The following BAALC variants were observed in gnomAD, a reference collection of about 807,000 sequenced individuals.
BAALC encodes brain and acute leukemia cytoplasmic protein.
BAALC carries 9 observed loss-of-function variants against 15.5 expected under a neutral mutation model. The observed-to-expected ratio is 0.58, with a 90% CI of 0.35 to 1.02. BAALC has a LOEUF of 1.02. BAALC is among the 50% of genes least tolerant of loss of function. The pLI is 0.02. For synonymous variants in BAALC, 80 were observed against 74.6 expected (o/e 1.07, Z -0.37); for missense variants, 201 against 192.4 (o/e 1.04, Z -0.27).
intron 1 of BAALC, among the ~76,000 whole-genome samples, chr8:103,198,627 G>A: frequency 6.6e-6 from 1 of 152,106 alleles, no homozygotes; most frequent in East Asian, 1.9e-4. Flanking sequence ...AAGCTGGCCA[G>A]GCTCCATGGC....
intron 1 of BAALC, chr8:103,208,099 G>C (rs934794183): frequency 6.6e-6 from 1 of 152,266 alleles, no homozygotes; most frequent in Non-Finnish European, 1.5e-5. Flanking sequence ...TTAGCACTTA[G>C]CTGGTTGTGT....
chr8:103,204,798 T>G (rs1046750000), intron 1 of BAALC, among the ~76,000 whole-genome samples: 1 of 152,342 alleles, frequency 6.6e-6, no homozygotes, highest in East Asian at 1.9e-4. Flanking sequence ...TATTATAGTA[T>G]TATACATAGT....
intron 1 of BAALC, among the ~76,000 whole-genome samples, chr8:103,153,777 G>A (rs1811030410): frequency 6.6e-6 from 1 of 152,196 alleles, no homozygotes; most frequent in Non-Finnish European, 1.5e-5. Context: ...AGTTGACAGT[G>A]TTTTCTGTGG....
At chr8:103,190,589 G>A (rs1230722266) in intron 1 of BAALC, among the ~76,000 whole-genome samples, 1 of 152,092 alleles carries the variant, frequency 6.6e-6, no homozygotes, top group African/African-American at 2.4e-5. Context: ...GACTTTCTTT[G>A]CTTTTCTTTG....
At chr8:103,152,732 C>T (rs1278514228) in intron 1 of BAALC, among the ~76,000 whole-genome samples, 1 of 152,172 alleles carries the variant, frequency 6.6e-6, no homozygotes, top group Non-Finnish European at 1.5e-5. Context: ...TGGGATTTAG[C>T]CCATGGAAGG....
rs115463734 is a variant in BAALC, at chr8:103,170,892, T to C, written c.160+29835T>C. On this transcript the variant is annotated intron_variant, in intron 1 of 2. Transcript: ENST00000309982. ...AGGTGATTTTTCCCTGAAGCAGCAA[T>C]TTATTCTCTATATCATTTGTTATCT... is the stretch of plus-strand genomic sequence containing the variant. 5.3e-3 allele frequency among the ~76,000 whole-genome samples: 811 copies of C among 152,340 alleles called. 8 individuals are homozygous for C. Among genetic ancestry groups the C allele is most frequent in the African/African-American group, 0.019 (772 of 41,578 alleles).
chr8:103,164,910 G>C (rs971626057), intron 1 of BAALC, among the ~76,000 whole-genome samples: 2 of 152,108 alleles, frequency 1.3e-5, no homozygotes, highest in Admixed American at 1.3e-4. Flanking sequence ...TCAGGAATTG[G>C]GTCTTGCTCA....
At chr8:103,186,158 G>A (rs1811831690) in intron 1 of BAALC, among the ~76,000 whole-genome samples, 1 of 152,154 alleles carries the variant, frequency 6.6e-6, no homozygotes, top group African/African-American at 2.4e-5. Flanking sequence ...CAGCATCCAA[G>A]GAACACTCAT....
At chr8:103,200,001 T>C (rs1812178713) in intron 1 of BAALC, among the ~76,000 whole-genome samples, 1 of 152,216 alleles carries the variant, frequency 6.6e-6, no homozygotes, top group Non-Finnish European at 1.5e-5. Context: ...TTCTTTTTTA[T>C]GGCTGCATAG....
intron 1 of BAALC, among the ~76,000 whole-genome samples, chr8:103,142,897 C>A (rs1398057433): frequency 6.6e-6 from 1 of 152,200 alleles, no homozygotes; most frequent in South Asian, 2.1e-4. Flanking sequence ...GGTACCCTGC[C>A]AAACATGGGC....
intron 1 of BAALC, among the ~76,000 whole-genome samples, chr8:103,207,934 C>T (rs1425658434): frequency 1.3e-5 from 2 of 152,180 alleles, no homozygotes; most frequent in East Asian, 1.9e-4. Flanking sequence ...ATAGAAGTAA[C>T]AGAAAATTAC....
intron 1 of BAALC, among the ~76,000 whole-genome samples, chr8:103,145,682 A>C (rs1487413175): frequency 6.6e-6 from 1 of 152,204 alleles, no homozygotes; most frequent in African/African-American, 2.4e-5. Context: ...AAATCCTTAG[A>C]TCTTTCTTTA....
At chr8:103,219,553 G>A (rs192911006) in intron 2 of BAALC, 1 of 152,326 alleles carries the variant, frequency 6.6e-6, no homozygotes, top group Non-Finnish European at 1.5e-5. Flanking sequence ...CAAACTCCCA[G>A]GGTGAGTAAG....
intron 1 of BAALC, among the ~76,000 whole-genome samples, chr8:103,173,572 C>A (rs939090551): frequency 1.3e-5 from 2 of 152,064 alleles, no homozygotes; most frequent in Non-Finnish European, 2.9e-5. Context: ...TCAGATCCCC[C>A]CAGGAATTTG....
At chr8:103,183,532 C>T in intron 1 of BAALC, 1 of 688,926 alleles carries the variant, frequency 1.5e-6, no homozygotes, top group East Asian at 2.7e-5. Flanking sequence ...CTCTGCAAAA[C>T]CAGGTAATCT....
At chr8:103,215,698 TCA>T (rs1563656514) in intron 2 of BAALC, among the ~76,000 whole-genome samples, 6 of 152,154 alleles carry the variant, frequency 3.9e-5, no homozygotes, top group Non-Finnish European at 8.8e-5. Context: ...GTGTCTCTGC[TCA>T]CATCATACTG....
chr8:103,208,888 C>T (rs1203638916), intron 1 of BAALC, among the ~76,000 whole-genome samples: 1 of 152,110 alleles, frequency 6.6e-6, no homozygotes, highest in Non-Finnish European at 1.5e-5. Context: ...CTTCAACCCC[C>T]AGGAGGACCT....
At chr8:103,154,932 AT>A (rs770505182) in intron 1 of BAALC, among the ~76,000 whole-genome samples, 16,311 of 150,134 alleles carry the variant, frequency 0.11, 1,340 homozygotes, top group East Asian at 0.42. Flanking sequence ...ATATATATAT[AT>A]ATATATAATA....
intron 1 of BAALC, among the ~76,000 whole-genome samples, chr8:103,167,141 A>G (rs1226646886): frequency 1.3e-5 from 2 of 152,236 alleles, no homozygotes; most frequent in Admixed American, 1.3e-4. Context: ...ATATAGAAAT[A>G]GACATTATTG....
Sources: allele counts gnomAD v4.1 joint callset (sites outside exome capture counted in the v4.1 genomes callset), GRCh38; gene constraint gnomAD v4.1.1; transcripts MANE v1.5; gene names NCBI Gene and HGNC (gene_info 2026-07-23, HGNC 2026-07-21).